The following RTF2 variants were observed in gnomAD, a reference collection of about 807,000 sequenced individuals.
RTF2 encodes UPF0549 protein C20orf43.
In RTF2, 18 loss-of-function variants were observed where a neutral mutation model predicts 38.0. The ratio of observed to expected loss-of-function variants is 0.47; its 90% confidence interval spans 0.33 to 0.70. The LOEUF is 0.70. RTF2 is among the 30% of genes least tolerant of loss of function. The pLI is 0.02. For synonymous variants in RTF2, 126 were observed against 137.1 expected (o/e 0.92, Z 0.57); for missense variants, 311 against 379.6 (o/e 0.82, Z 1.50).
At chr20:56,506,209 C>G (rs1984260151) in intron 5 of RTF2, among the ~76,000 whole-genome samples, 1 of 152,174 alleles carries the variant, frequency 6.6e-6, no homozygotes, top group African/African-American at 2.4e-5. Flanking sequence ...CGCCATGGAA[C>G]ATGAAGACAA....
chr20:56,513,638 G>A (rs1282299375), intron 6 of RTF2, among the ~76,000 whole-genome samples: 1 of 152,122 alleles, frequency 6.6e-6, no homozygotes, highest in Non-Finnish European at 1.5e-5. Context: ...CTTCCCCGCC[G>A]AGCTTTCTCA....
At chr20:56,498,041 C>G (rs939833021) in intron 5 of RTF2, among the ~76,000 whole-genome samples, 7 of 152,134 alleles carry the variant, frequency 4.6e-5, no homozygotes, top group African/African-American at 1.7e-4. Context: ...TGTTAGTTCC[C>G]TGTAGTTTTA....
chr20:56,501,927 G>A (rs1600821699), intron 5 of RTF2, among the ~76,000 whole-genome samples: 4 of 152,058 alleles, frequency 2.6e-5, no homozygotes, highest in South Asian at 4.1e-4. Flanking sequence ...GGCTTTTTTC[G>A]TGCACTGTCT....
rs1397152295 is a variant in RTF2, at chr20:56,468,676, T to G, written c.-22T>G. ...AGTGACAGCTTTGGGGGTTTGCTGC[T>G]GGCTCTGACTCCCGTCCTGCGATGG... On this transcript the variant is annotated 5_prime_UTR_variant, in exon 1 of 9. Coordinates refer to ENST00000357348, the MANE Select transcript of RTF2 (RefSeq NM_016407.5). The G allele has an allele frequency of 3.2e-6, 5 of 1,562,368 alleles. No homozygotes were observed. The highest frequency in any genetic ancestry group is 1.9e-5 in the Admixed American group (1 of 52,106).
At position 56,491,863 on chromosome 20, in the gene RTF2, C is replaced by T. The variant is rs568779047; in HGVS notation, c.477+7674C>T. 45 of 1,021,394 alleles carry T rather than the reference C, an allele frequency of 4.4e-5. No individual in the cohort carries two copies. The African/African-American group carries it at 4.6e-4, about 10-fold the overall frequency. 63.3% of individuals were successfully genotyped at this position (1,021,394 alleles called of 1,614,324 possible). On this transcript the variant is annotated intron_variant, in intron 5 of 8. Coordinates refer to ENST00000357348, the MANE Select transcript of RTF2 (RefSeq NM_016407.5). ...CACACACAGAAAGTGGCGCATGCTCCGTCCGGTGTCAGTGGTGAGCCTCAG... is the reference window on the plus strand; with the variant it reads ...CACACACAGAAAGTGGCGCATGCTCTGTCCGGTGTCAGTGGTGAGCCTCAG...
intron 5 of RTF2, among the ~76,000 whole-genome samples, chr20:56,490,187 T>C (rs1191289836): frequency 2.6e-5 from 4 of 152,236 alleles, no homozygotes; most frequent in African/African-American, 9.6e-5. Context: ...TTCATTTCTA[T>C]GCGTGGGAAG....
At chr20:56,468,835 GAAGT>G in intron 1 of RTF2, 69 bp downstream of exon 1, 5 of 1,336,928 alleles carry the variant, frequency 3.7e-6, no homozygotes, top group African/African-American at 2.9e-5. Context: ...AAAACGAGAG[GAAGT>G]AAGAAGGGGG....
intron 4 of RTF2, among the ~76,000 whole-genome samples, chr20:56,482,264 T>C (rs570816958): frequency 6.6e-6 from 1 of 152,354 alleles, no homozygotes; most frequent in South Asian, 2.1e-4. Context: ...TATAAAATGG[T>C]ACAGTATTTG....
chr20:56,516,702 G>C, intron 6 of RTF2: 2 of 582,238 alleles, frequency 3.4e-6, no homozygotes, highest in East Asian at 5.6e-5. Context: ...AAAGTGAGCA[G>C]CTCTGTGCAG....
chr20:56,481,923 A>T (rs2146324794), intron 4 of RTF2, among the ~76,000 whole-genome samples: 1 of 152,312 alleles, frequency 6.6e-6, no homozygotes, highest in East Asian at 1.9e-4. Context: ...ACTTGCTTTT[A>T]AGAAAACTAG....
intron 5 of RTF2, among the ~76,000 whole-genome samples, chr20:56,499,322 A>G (rs1033500237): frequency 1.4e-5 from 2 of 147,616 alleles, no homozygotes; most frequent in African/African-American, 2.5e-5. Flanking sequence ...TCAGCCTCCC[A>G]GGTGCATGCC....
At chr20:56,486,090 G>C (rs1223429738) in intron 5 of RTF2, among the ~76,000 whole-genome samples, 1 of 152,144 alleles carries the variant, frequency 6.6e-6, no homozygotes, top group African/African-American at 2.4e-5. Context: ...GCCAGGTACT[G>C]GGTATCTCTG....
chr20:56,481,922 T>C (rs1982545924), intron 4 of RTF2, among the ~76,000 whole-genome samples: 1 of 152,228 alleles, frequency 6.6e-6, no homozygotes, highest in South Asian at 2.1e-4. Context: ...CACTTGCTTT[T>C]AAGAAAACTA....
intron 1 of RTF2, 122 bp downstream of exon 1, chr20:56,468,888 C>A: frequency 2.7e-6 from 2 of 750,522 alleles, no homozygotes; most frequent in Non-Finnish European, 4.5e-6. Context: ...GTCTTTTATT[C>A]CATTCAGAGG....
chr20:56,471,758 A>G (rs1047881558), intron 1 of RTF2: 9 of 152,048 alleles, frequency 5.9e-5, no homozygotes, highest in African/African-American at 1.9e-4. Flanking sequence ...CCTGTCCCCA[A>G]CTCTCTGAGG....
intron 4 of RTF2, among the ~76,000 whole-genome samples, chr20:56,482,024 T>G (rs970476309): frequency 1.3e-5 from 2 of 152,232 alleles, no homozygotes; most frequent in African/African-American, 4.8e-5. Context: ...GATTGTGGCT[T>G]CCCCTGTTGT....
At chr20:56,488,556 AAAGTT>A (rs1302603549) in intron 5 of RTF2, among the ~76,000 whole-genome samples, 1 of 152,210 alleles carries the variant, frequency 6.6e-6, no homozygotes, top group Non-Finnish European at 1.5e-5. Flanking sequence ...AGAAAGAGAA[AAAGTT>A]AAGTTAGGGA....
chr20:56,480,882 C>G (rs2146323672), intron 4 of RTF2, among the ~76,000 whole-genome samples: 1 of 152,266 alleles, frequency 6.6e-6, no homozygotes, highest in Middle Eastern at 3.4e-3. Flanking sequence ...AAAGTAACAT[C>G]AAACGTCACT....
intron 5 of RTF2, among the ~76,000 whole-genome samples, chr20:56,500,329 C>T (rs901295480): frequency 3.9e-5 from 6 of 152,226 alleles, no homozygotes; most frequent in African/African-American, 1.4e-4. Context: ...GTTGGGATTA[C>T]AGGCGTGAGC....
Sources: allele counts gnomAD v4.1 joint callset (sites outside exome capture counted in the v4.1 genomes callset), GRCh38; gene constraint gnomAD v4.1.1; transcripts MANE v1.5; gene names NCBI Gene and HGNC (gene_info 2026-07-23, HGNC 2026-07-21).